Variants in LTV1 observed in about 807,000 individuals in gnomAD.
LTV1 encodes protein LTV1 homolog.
LTV1 carries 39 observed loss-of-function variants against 59.9 expected under a neutral mutation model. The ratio of observed to expected loss-of-function variants is 0.65; its 90% CI spans 0.50 to 0.85. The LOEUF (loss-of-function observed/expected upper bound fraction) is 0.85. LTV1 is among the 40% of genes least tolerant of loss of function. The pLI is 0.00. For synonymous variants in LTV1, 171 were observed against 189.5 expected (o/e 0.90, Z 0.80); for missense variants, 493 against 549.1 (o/e 0.90, Z 1.02).
rs375129955 is a variant in LTV1 at position 143,862,838 on chromosome 6, G to A, written c.1064-6G>A. On this transcript the variant is annotated splice_polypyrimidine_tract_variant and splice_region_variant and intron_variant, in intron 8 of 10. Coordinates refer to ENST00000367576, the MANE Select transcript of LTV1 (RefSeq NM_032860.5). The surrounding 1 kb of genome is among the most constrained non-coding windows in gnomAD (Gnocchi z 4.2). Reference sequence around the variant, plus strand: ...ACTGATACATGACTTTTATTTGTTTGTTTAGGTACATACTCAAATTTATAT... The same window carrying A: ...ACTGATACATGACTTTTATTTGTTTATTTAGGTACATACTCAAATTTATAT... The A allele has an allele frequency of 1.9e-5, 29 of 1,535,224 alleles. 1 individual carries two copies. Among genetic ancestry groups the A allele is most frequent in the Non-Finnish European group, 3.6e-6 (4 of 1,108,796 alleles).
chr6:143,860,827 A>T (rs1269636856), intron 7 of LTV1, among the ~76,000 whole-genome samples: 1 of 152,110 alleles, frequency 6.6e-6, no homozygotes, highest in Admixed American at 6.5e-5. Flanking sequence ...TAATGGGAAT[A>T]TACGAGGAGC....
At position 143,855,590 on chromosome 6, in the gene LTV1, C is replaced by T. The variant is rs1385486239; in HGVS notation, c.398-1713C>T. Reference sequence around the variant, plus strand: ...TTGCAGTGGCTGGTACCAGTTTTTCCTTTCCATATTTAGTGCTTCCTTCAG... The same window carrying T: ...TTGCAGTGGCTGGTACCAGTTTTTCTTTTCCATATTTAGTGCTTCCTTCAG... On this transcript the variant is annotated intron_variant, in intron 4 of 10. Coordinates refer to ENST00000367576, the MANE Select transcript of LTV1 (RefSeq NM_032860.5). The surrounding 1 kb of genome is among the most constrained non-coding windows in gnomAD (Gnocchi z 4.6). Among the ~76,000 whole-genome samples, 1 of 152,118 alleles carries T rather than the reference C, an allele frequency of 6.6e-6. No individual in the cohort carries two copies. Among genetic ancestry groups the T allele is most frequent in the Non-Finnish European group, 1.5e-5 (1 of 68,020 alleles).
chr6:143,844,554 C>T lies in LTV1; in HGVS notation c.72C>T (p.Ser24=), dbSNP rs1275696782. 3.5e-5 allele frequency: 57 copies of T among 1,613,984 alleles called. No homozygotes were observed. The Admixed American group carries it at 4.2e-4, about 12-fold the overall frequency. ...TGTCTTTTCACTTGGTCCACCGGAG[C>T]CAACGAGATCCTTTAGCAGCAGATG... The part of the protein sequence containing the change: ...KAVSFHLVHR[S]QRDPLAADES... Residue 24 remains serine, a synonymous_variant, in exon 2 of 11, where the codon AGC becomes AGT. Coordinates refer to ENST00000367576, the MANE Select transcript of LTV1 (RefSeq NM_032860.5).
At chr6:143,860,714 GAT>G (rs1402499074) in intron 7 of LTV1, among the ~76,000 whole-genome samples, 161 bp downstream of exon 7, 5 of 151,866 alleles carry the variant, frequency 3.3e-5, no homozygotes, top group African/African-American at 1.2e-4. Context: ...GAAAAAAAAA[GAT>G]AGGGCGGAAA....
chr6:143,848,746 A>G (rs145274570), intron 3 of LTV1, among the ~76,000 whole-genome samples: 1 of 152,332 alleles, frequency 6.6e-6, no homozygotes, highest in African/African-American at 2.4e-5. Flanking sequence ...GGAAGTTCAC[A>G]CAAAGGGAAG....
At position 143,863,554 on chromosome 6, in the gene LTV1, T is replaced by C. The variant is rs774592277; in HGVS notation, c.*27T>C. On this transcript the variant is annotated 3_prime_UTR_variant, in exon 11 of 11. Coordinates refer to ENST00000367576, the MANE Select transcript of LTV1 (RefSeq NM_032860.5). The surrounding 1 kb of genome is among the most constrained non-coding windows in gnomAD (Gnocchi z 4.5). ...CAGTGGAGCATACAGGGCAAGGCAC[T>C]TTATTAGGGGCTCCTCATCTTTGGT... is the stretch of plus-strand genomic sequence containing the variant. 2.1e-6 allele frequency: 3 copies of C among 1,438,714 alleles called. No homozygotes were observed. In the South Asian group the frequency reaches 3.9e-5, roughly 19 times the overall value. 89.1% of individuals were successfully genotyped at this position (1,438,714 alleles called of 1,614,324 possible).
intron 4 of LTV1, among the ~76,000 whole-genome samples, chr6:143,850,604 A>T (rs1293384347): frequency 6.6e-6 from 1 of 151,316 alleles, no homozygotes; most frequent in Admixed American, 6.6e-5. Flanking sequence ...ATGGAAGTTC[A>T]TTTTGCCATC....
rs960547580 is a variant in LTV1 at position 143,862,526 on chromosome 6, C to A, written c.1063+283C>A. Among the ~76,000 whole-genome samples, 2 of 151,892 alleles carry A rather than the reference C, an allele frequency of 1.3e-5. No homozygotes were observed. Among genetic ancestry groups the A allele is most frequent in the African/African-American group, 4.8e-5 (2 of 41,350 alleles). ...GCTTGAACCTGGGAGGCAGAGGTTG[C>A]AATGAGCCGAGATCATGCCATTGCA... On this transcript the variant is annotated intron_variant, in intron 8 of 10. Coordinates refer to ENST00000367576, the MANE Select transcript of LTV1 (RefSeq NM_032860.5). The surrounding 1 kb of genome is among the most constrained non-coding windows in gnomAD (Gnocchi z 4.2).
chr6:143,845,239 A>G (rs1776872022), intron 2 of LTV1, among the ~76,000 whole-genome samples: 1 of 152,158 alleles, frequency 6.6e-6, no homozygotes, highest in Non-Finnish European at 1.5e-5. Flanking sequence ...AATGTTACAC[A>G]ACACTTATTA....
At position 143,863,356 on chromosome 6, in the gene LTV1, AAGC is replaced by A; in HGVS notation, c.1318-58_1318-56del. On this transcript the variant is annotated intron_variant, in intron 10 of 10. Coordinates refer to ENST00000367576, the MANE Select transcript of LTV1 (RefSeq NM_032860.5). The surrounding 1 kb of genome is among the most constrained non-coding windows in gnomAD (Gnocchi z 4.5). ...AGGGGAAATTAGGGGAATTTTGTAA[AAGC>A]AGTCTGTATCAGTTTAAAGATGTGA... 2 of 1,596,210 alleles carry A rather than the reference AAGC, an allele frequency of 1.3e-6. No individual in the cohort carries two copies. Among genetic ancestry groups the A allele is most frequent in the Non-Finnish European group, 1.7e-6 (2 of 1,166,242 alleles).
chr6:143,849,251 G>C (rs1776943784), intron 3 of LTV1, among the ~76,000 whole-genome samples: 1 of 152,144 alleles, frequency 6.6e-6, no homozygotes, highest in Non-Finnish European at 1.5e-5. Context: ...ATTTCAAGGG[G>C]ACATAGGACA....
At chr6:143,845,566 C>T (rs182310846) in intron 2 of LTV1, among the ~76,000 whole-genome samples, 24 of 152,116 alleles carry the variant, frequency 1.6e-4, no homozygotes, top group African/African-American at 5.8e-4. Flanking sequence ...TTTGTAGAAA[C>T]GAGGTCTCAC....
chr6:143,849,490 C>G (rs1273818575), intron 3 of LTV1, among the ~76,000 whole-genome samples: 1 of 152,036 alleles, frequency 6.6e-6, no homozygotes, highest in African/African-American at 2.4e-5. Context: ...AGTTTTTGTT[C>G]TTTTGGTAAA....
intron 4 of LTV1, among the ~76,000 whole-genome samples, chr6:143,856,201 G>A (rs1037049056): frequency 6.6e-6 from 1 of 152,080 alleles, no homozygotes; most frequent in African/African-American, 2.4e-5. Context: ...AATCGCTGAT[G>A]TCCTTTCTTC....
chr6:143,843,602 A>G, intron 1 of LTV1, 122 bp downstream of exon 1: 1 of 1,305,546 alleles, frequency 7.7e-7, no homozygotes, highest in Non-Finnish European at 1.1e-6. Flanking sequence ...TGCTTGCGGC[A>G]CGGTACCCCG....
chr6:143,860,847 C>T lies in LTV1; in HGVS notation c.923+294C>T, dbSNP rs575089438. ...GGAATATACGAGGAGCCACTTTCTC[C>T]GTATCTTTGACTGGAGAAGAGTCAT... On this transcript the variant is annotated intron_variant, in intron 7 of 10. Transcript: ENST00000367576. 3.9e-5 allele frequency among the ~76,000 whole-genome samples: 6 copies of T among 151,966 alleles called. No homozygotes were observed. The East Asian group carries it at 5.8e-4, about 15-fold the overall frequency.
intron 1 of LTV1, 144 bp from the exon 2 acceptor site, chr6:143,844,342 C>A: frequency 1.3e-6 from 1 of 788,092 alleles, no homozygotes. Flanking sequence ...CTGCAGAACA[C>A]AGCTGATGTT....
chr6:143,846,178 G>T lies in LTV1; in HGVS notation c.263G>T (p.Ser88Ile), dbSNP rs760456951. Residue 88 changes from serine to isoleucine, a missense_variant, in exon 3 of 11, where the codon AGT (serine) becomes ATT (isoleucine). By Grantham distance (142) the Ser-to-Ile change is moderately radical. Coordinates refer to ENST00000367576, the MANE Select transcript of LTV1 (RefSeq NM_032860.5). ...PSELIPSSTF[S>I]AHNRREEKEE... is the part of the protein sequence containing the mutation. ...GAGCTTATTCCCTCAAGTACCTTCA[G>T]TGCACACAACAGGAGAGAGGAGAAA... 3.1e-6 allele frequency: 5 copies of T among 1,614,194 alleles called. No individual in the cohort carries two copies. The Admixed American group carries it at 8.3e-5, about 27-fold the overall frequency.
In LTV1 at chr6:143,863,604, C is replaced by CA. The variant is rs1273670583; in HGVS notation, c.*81dup. ...TTATTGACTAGAAACTTCAGAAAGACAAAACTGTTTGCCATTTTTACTGGC... is the reference window on the plus strand; with the variant it reads ...TTATTGACTAGAAACTTCAGAAAGACAAAAACTGTTTGCCATTTTTACTGGC... On this transcript the variant is annotated 3_prime_UTR_variant, in exon 11 of 11. Transcript: ENST00000367576. This position sits in a 1 kb window ranked among gnomAD's most constrained non-coding sequence, Gnocchi z 4.5. The CA allele has an allele frequency of 8.5e-6, 8 of 936,216 alleles. No homozygotes were observed. Among genetic ancestry groups the CA allele is most frequent in the African/African-American group, 8.3e-5 (5 of 60,448 alleles). The allele number at this position is 936,216 out of a possible 1,614,324, so 58.0% of individuals were successfully genotyped here. A position where few individuals can be genotyped will look rare whatever the true frequency, so the allele number is the denominator to read the frequency against.
Sources: gnomAD v4.1 joint callset for allele counts (sites outside exome capture counted in the v4.1 genomes callset) on GRCh38, gnomAD v4.1.1 for gene constraint, Gnocchi (gnomAD v3.1) non-coding constraint, MANE v1.5 for transcripts, NCBI Gene and HGNC (gene_info 2026-07-23, HGNC 2026-07-21) for gene names.